The following CTDSPL variants were observed in gnomAD, a reference collection of about 807,000 sequenced individuals.
CTDSPL encodes the protein CTD small phosphatase-like protein.
In CTDSPL, 8 loss-of-function variants were observed where a neutral mutation model predicts 30.5. That is an observed-to-expected ratio of 0.26 (90% CI 0.15 to 0.47). CTDSPL has a LOEUF of 0.47. Ranked by LOEUF, CTDSPL falls within the 20% of genes least tolerant of loss-of-function variation. The pLI is 0.99. For synonymous variants in CTDSPL, 110 were observed against 137.9 expected, an observed-to-expected ratio of 0.80 and a Z score of 1.42; for missense variants, 248 against 366.1, an observed-to-expected ratio of 0.68 and a Z score of 2.63.
At chr3:37,903,301 T>C (rs957911766) in intron 1 of CTDSPL, among the ~76,000 whole-genome samples, 1 of 151,828 alleles carries the variant, frequency 6.6e-6, no homozygotes. Context: ...TGAAGGACAG[T>C]TGTCAGGACA....
At chr3:37,971,934 C>T (rs1198773554) in intron 6 of CTDSPL, among the ~76,000 whole-genome samples, 2 of 152,242 alleles carry the variant, frequency 1.3e-5, no homozygotes, top group Non-Finnish European at 2.9e-5. Context: ...CATGCTTGGG[C>T]TGAATGAGAG....
intron 1 of CTDSPL, among the ~76,000 whole-genome samples, chr3:37,923,063 A>T (rs567073212): frequency 6.6e-6 from 1 of 152,350 alleles, no homozygotes; most frequent in East Asian, 1.9e-4. Flanking sequence ...GTAAGCAGGA[A>T]GGGGGCCTAA....
In CTDSPL at chr3:37,928,032, A is replaced by C. The variant is rs188210110; in HGVS notation, c.80-19025A>C. Among the ~76,000 whole-genome samples the C allele has an allele frequency of 1.5e-4, 23 of 152,294 alleles. No homozygotes were observed. In the East Asian group the frequency reaches 3.7e-3, roughly 24 times the overall value. On this transcript the variant is annotated intron_variant, in intron 1 of 7. Coordinates refer to ENST00000273179, the MANE Select transcript of CTDSPL (RefSeq NM_001008392.2). ...ACAATTTCCTTCCTTTTTAAGGCTG[A>C]ATAATATTCCTCCATCTATGCTGTG...
intron 1 of CTDSPL, among the ~76,000 whole-genome samples, chr3:37,921,487 C>A (rs9869885): frequency 0.25 from 37,816 of 152,090 alleles, 6,408 homozygotes; most frequent in African/African-American, 0.48. Context: ...GTCTCCTCCC[C>A]CTAGTTTGAG....
chr3:37,949,114 C>T (rs1299220824), intron 2 of CTDSPL, among the ~76,000 whole-genome samples: 1 of 152,114 alleles, frequency 6.6e-6, no homozygotes, highest in Admixed American at 6.5e-5. Flanking sequence ...GCCACCGCGC[C>T]CGGCCATTTT....
chr3:37,873,569 G>A (rs976845356), intron 1 of CTDSPL, among the ~76,000 whole-genome samples: 1 of 152,062 alleles, frequency 6.6e-6, no homozygotes, highest in East Asian at 1.9e-4. Context: ...TAATGTCCAG[G>A]ATTTTCAGTT....
At chr3:37,893,596 C>T (rs1698354646) in intron 1 of CTDSPL, among the ~76,000 whole-genome samples, 1 of 152,170 alleles carries the variant, frequency 6.6e-6, no homozygotes, top group South Asian at 2.1e-4. Flanking sequence ...CATTTGCCTA[C>T]CCTTCATTTT....
At chr3:37,875,697 A>G (rs948126247) in intron 1 of CTDSPL, among the ~76,000 whole-genome samples, 1 of 152,240 alleles carries the variant, frequency 6.6e-6, no homozygotes, top group African/African-American at 2.4e-5. Flanking sequence ...GTCAGAAACC[A>G]TTGACTTTAA....
intron 1 of CTDSPL, among the ~76,000 whole-genome samples, chr3:37,919,088 A>G (rs1201355151): frequency 1.3e-5 from 2 of 152,116 alleles, no homozygotes; most frequent in Admixed American, 6.6e-5. Context: ...CCTGACCCCT[A>G]GTCGCTACCA....
chr3:37,876,743 C>A (rs1230774919), intron 1 of CTDSPL, among the ~76,000 whole-genome samples: 3 of 151,288 alleles, frequency 2.0e-5, no homozygotes, highest in Non-Finnish European at 4.4e-5. Context: ...ATGTTTTTCC[C>A]AGTCTATGGT....
chr3:37,887,643 A>G (rs1006243228), intron 1 of CTDSPL, among the ~76,000 whole-genome samples: 3 of 152,216 alleles, frequency 2.0e-5, no homozygotes, highest in Non-Finnish European at 4.4e-5. Flanking sequence ...AGCGCTTAAA[A>G]CAGTGTTTGG....
rs1440794305 is a variant in CTDSPL at position 37,976,319 on chromosome 3, T to C, written c.705+425T>C. 3.3e-5 allele frequency among the ~76,000 whole-genome samples: 5 copies of C among 152,152 alleles called. 1 individual carries two copies. Among genetic ancestry groups the C allele is most frequent in the Middle Eastern group, 6.3e-3 (2 of 316 alleles). On this transcript the variant is annotated intron_variant, in intron 7 of 7. Transcript: ENST00000273179. The stretch of plus-strand genomic sequence containing the variant: ...CCCCTGTAGACTAAGGAGGCCTGGT[T>C]GATCTCTTTAACAGAAGTATTTCTT...
chr3:37,922,690 T>G (rs1698731774), intron 1 of CTDSPL, among the ~76,000 whole-genome samples: 1 of 152,234 alleles, frequency 6.6e-6, no homozygotes, highest in Non-Finnish European at 1.5e-5. Context: ...TGGGCTAGCA[T>G]GGGCACTTTG....
intron 6 of CTDSPL, among the ~76,000 whole-genome samples, chr3:37,971,829 G>A (rs1345307627): frequency 6.6e-6 from 1 of 152,218 alleles, no homozygotes; most frequent in Non-Finnish European, 1.5e-5. Context: ...ACCATTGACT[G>A]TCAGCCAACT....
chr3:37,936,624 G>C (rs1347463510), intron 1 of CTDSPL, among the ~76,000 whole-genome samples: 1 of 144,362 alleles, frequency 6.9e-6, no homozygotes, highest in African/African-American at 2.6e-5. Flanking sequence ...AAATGTCCCT[G>C]GCCTTCAGAA....
chr3:37,960,133 A>G (rs1402269781), intron 3 of CTDSPL, among the ~76,000 whole-genome samples: 2 of 151,884 alleles, frequency 1.3e-5, no homozygotes, highest in Non-Finnish European at 2.9e-5. Context: ...ATCACCTGAG[A>G]TCAGGAGTTC....
chr3:37,944,207 A>C (rs1403967054), intron 1 of CTDSPL, among the ~76,000 whole-genome samples: 1 of 150,426 alleles, frequency 6.6e-6, no homozygotes, highest in Non-Finnish European at 1.5e-5. Context: ...ATGTGGAAGA[A>C]ATGTAAACAC....
intron 1 of CTDSPL, among the ~76,000 whole-genome samples, chr3:37,937,922 C>T (rs1698933913): frequency 6.6e-6 from 1 of 150,502 alleles, no homozygotes; most frequent in African/African-American, 2.4e-5. Context: ...AAAATTTTAT[C>T]ATGCTGGGTC....
chr3:37,899,261 C>T (rs1046507831), intron 1 of CTDSPL, among the ~76,000 whole-genome samples: 9 of 152,148 alleles, frequency 5.9e-5, no homozygotes, highest in African/African-American at 2.2e-4. Context: ...GGGAGAGAGA[C>T]TAAACATTCC....
Sources: allele counts gnomAD v4.1 joint callset (sites outside exome capture counted in the v4.1 genomes callset), GRCh38; gene constraint gnomAD v4.1.1; transcripts MANE v1.5; gene names NCBI Gene and HGNC (gene_info 2026-07-23, HGNC 2026-07-21).